The following FARP1 variants were observed in gnomAD, a reference collection of about 807,000 sequenced individuals.
The protein encoded by FARP1 is FERM, ARHGEF and pleckstrin domain-containing protein 1.
Under a neutral mutation model 128.8 loss-of-function variants are expected in FARP1, and 52 were observed. That is an observed-to-expected ratio of 0.40 (90% CI 0.32 to 0.51). FARP1 has a LOEUF of 0.51. Ranked by LOEUF, FARP1 falls within the 20% of genes least tolerant of loss-of-function variation. The pLI is 0.45. For synonymous variants in FARP1, 580 were observed against 551.8 expected (o/e 1.05, Z -0.72); for missense variants, 1,333 against 1,367.9 (o/e 0.97, Z 0.40).
chr13:98,161,747 TTCCC>T lies in FARP1; in HGVS notation c.-24+18267_-24+18270del, dbSNP rs978345290. The stretch of plus-strand genomic sequence containing the variant: ...TCTCTCTTTTTCTCTCTTTCTTTCC[TTCCC>T]TCCCTCCCTCCATCGTTCCTTCCTT... On this transcript the variant is annotated intron_variant, in intron 1 of 26. Transcript: ENST00000319562. Among the ~76,000 whole-genome samples the T allele has an allele frequency of 1.3e-4, 20 of 152,160 alleles. No individual in the cohort carries two copies. The East Asian group carries it at 3.3e-3, about 25-fold the overall frequency.
At chr13:98,300,811 G>T (rs1422593639) in intron 2 of FARP1, among the ~76,000 whole-genome samples, 1 of 152,174 alleles carries the variant, frequency 6.6e-6, no homozygotes, top group Non-Finnish European at 1.5e-5. Context: ...AAAAATGTTG[G>T]CCTGGTCAGG....
At chr13:98,318,832 G>A (rs1362997360) in intron 2 of FARP1, among the ~76,000 whole-genome samples, 2 of 152,178 alleles carry the variant, frequency 1.3e-5, no homozygotes, top group African/African-American at 4.8e-5. Context: ...CTGTGTGCCT[G>A]GTGGCGTTTG....
rs1451828030 is a variant in FARP1 at position 98,256,293 on chromosome 13, T to TA, written c.171+42886dup. Among the ~76,000 whole-genome samples, 5 of 152,216 alleles carry TA rather than the reference T, an allele frequency of 3.3e-5. No individual in the cohort carries two copies. The East Asian group carries it at 9.6e-4, about 29-fold the overall frequency. On this transcript the variant is annotated intron_variant, in intron 2 of 26. Transcript: ENST00000319562. ...ATCAGTATTTAAAATTCGAGGTTTTTAAAAAAGTTATCAATTCTGAATTCA... is the reference window on the plus strand; with the variant it reads ...ATCAGTATTTAAAATTCGAGGTTTTTAAAAAAAGTTATCAATTCTGAATTCA...
intron 2 of FARP1, among the ~76,000 whole-genome samples, chr13:98,260,862 A>G (rs1883845649): frequency 1.3e-5 from 2 of 152,222 alleles, no homozygotes. Flanking sequence ...GATAGGATAC[A>G]AAGGCCAGGA....
At chr13:98,143,036 G>GCGCCCGCCTC (rs1189502260), upstream of FARP1, 1 of 147,928 alleles carries the variant, frequency 6.8e-6, no homozygotes, top group East Asian at 2.0e-4. Context: ...GGGCTGCGCG[G>GCGCCCGCCTC]CGCCCGCCTC....
intron 2 of FARP1, among the ~76,000 whole-genome samples, chr13:98,252,048 A>G (rs997400943): frequency 7.2e-5 from 11 of 152,088 alleles, no homozygotes; most frequent in Non-Finnish European, 1.0e-4. Context: ...GGGTTTCACT[A>G]TGTTGGCCAA....
In FARP1 at chr13:98,413,948, G is replaced by C. The variant is rs1259609514; in HGVS notation, c.1826+1914G>C. On this transcript the variant is annotated intron_variant, in intron 16 of 26. Coordinates refer to ENST00000319562, the MANE Select transcript of FARP1 (RefSeq NM_005766.4). Reference sequence around the variant, plus strand: ...GCATGTGGCAGTTGATTTAAATAAGGTTGGAGAGGCCACACACAGGAAATG... The same window carrying C: ...GCATGTGGCAGTTGATTTAAATAAGCTTGGAGAGGCCACACACAGGAAATG... Among the ~76,000 whole-genome samples, 3 of 152,154 alleles carry C rather than the reference G, an allele frequency of 2.0e-5. 1 individual carries two copies. The South Asian group carries it at 6.2e-4, about 32-fold the overall frequency.
intron 5 of FARP1, among the ~76,000 whole-genome samples, chr13:98,377,115 A>G (rs1475933426): frequency 6.6e-6 from 1 of 152,046 alleles, no homozygotes; most frequent in Non-Finnish European, 1.5e-5. Context: ...ATCCTGGCCA[A>G]CATGGTGAAA....
intron 16 of FARP1, among the ~76,000 whole-genome samples, chr13:98,423,708 C>T (rs1891677643): frequency 6.6e-6 from 1 of 152,176 alleles, no homozygotes; most frequent in Admixed American, 6.5e-5. Context: ...TTCACTATAA[C>T]ATGAGGGTGA....
intron 17 of FARP1, among the ~76,000 whole-genome samples, chr13:98,428,259 C>T (rs10220162): frequency 0.017 from 2,578 of 152,262 alleles, 77 homozygotes; most frequent in African/African-American, 0.058. Flanking sequence ...TCCATCCAGA[C>T]GCACAAAAAC....
At chr13:98,274,355 G>A (rs1884537175) in intron 2 of FARP1, among the ~76,000 whole-genome samples, 1 of 152,284 alleles carries the variant, frequency 6.6e-6, no homozygotes, top group Non-Finnish European at 1.5e-5. Flanking sequence ...CTCTTTGTCT[G>A]AAATGCTGAG....
At chr13:98,306,957 A>G (rs561571063) in intron 2 of FARP1, among the ~76,000 whole-genome samples, 2 of 152,310 alleles carry the variant, frequency 1.3e-5, no homozygotes, top group Admixed American at 6.5e-5. Flanking sequence ...ATTCTTCATG[A>G]CCACCCTCCC....
intron 2 of FARP1, among the ~76,000 whole-genome samples, chr13:98,216,714 A>G (rs1412468056): frequency 6.6e-6 from 1 of 152,184 alleles, no homozygotes; most frequent in Admixed American, 6.5e-5. Context: ...AATTATTATT[A>G]AAGAGATCTA....
At chr13:98,362,994 C>T (rs9584819) in intron 3 of FARP1, among the ~76,000 whole-genome samples, 67,194 of 152,140 alleles carry the variant, frequency 0.44, 16,539 homozygotes, top group Non-Finnish European at 0.58. Context: ...TCCAAAATAC[C>T]GTCCTGTCTT....
intron 13 of FARP1, among the ~76,000 whole-genome samples, chr13:98,408,062 G>T (rs537694132): frequency 6.6e-6 from 1 of 152,130 alleles, no homozygotes; most frequent in African/African-American, 2.4e-5. Flanking sequence ...TTGAGAAAGC[G>T]CTGACTTTGT....
At position 98,208,123 on chromosome 13, in the gene FARP1, G is replaced by C. The variant is rs74718903; in HGVS notation, c.-23-5097G>C. 1.9e-3 allele frequency among the ~76,000 whole-genome samples: 295 copies of C among 152,110 alleles called. 1 individual carries two copies. The highest frequency in any genetic ancestry group is 6.3e-3 in the African/African-American group (263 of 41,508). Reference sequence around the variant, plus strand: ...CACACAACCAAACAGATTAGAAACAGATGCTTAGAAAAAGCTTATTTGAGG... The same window carrying C: ...CACACAACCAAACAGATTAGAAACACATGCTTAGAAAAAGCTTATTTGAGG... On this transcript the variant is annotated intron_variant, in intron 1 of 26. Coordinates refer to ENST00000319562, the MANE Select transcript of FARP1 (RefSeq NM_005766.4).
In FARP1 at chr13:98,450,037, GAA is replaced by G. The variant is rs1491554410; in HGVS notation, c.*1721_*1722del. On this transcript the variant is annotated 3_prime_UTR_variant, in exon 27 of 27. Coordinates refer to ENST00000319562, the MANE Select transcript of FARP1 (RefSeq NM_005766.4). ...GCAGTCTCCTCAGCTATTTATTTCTGAATGATTGATTGATTCCAAACTACTTG... is the reference window on the plus strand; with the variant it reads ...GCAGTCTCCTCAGCTATTTATTTCTGTGATTGATTGATTCCAAACTACTTG... 21 of 139,140 alleles carry G rather than the reference GAA, an allele frequency of 1.5e-4. No homozygotes were observed. The highest frequency in any genetic ancestry group is 4.7e-4 in the African/African-American group (18 of 38,272). 8.6% of individuals were successfully genotyped at this position (139,140 alleles called of 1,614,324 possible).
At chr13:98,377,130 G>A (rs1204906321) in intron 5 of FARP1, among the ~76,000 whole-genome samples, 6 of 151,656 alleles carry the variant, frequency 4.0e-5, no homozygotes, top group Non-Finnish European at 5.9e-5. Flanking sequence ...GTGAAACCCC[G>A]TCTCTACTAA....
chr13:98,256,965 A>ATATATG (rs1455024929), intron 2 of FARP1, among the ~76,000 whole-genome samples: 1 of 127,316 alleles, frequency 7.9e-6, no homozygotes, highest in Non-Finnish European at 1.6e-5. Context: ...ATATATATAT[A>ATATATG]TATATATATA....
Sources: gnomAD v4.1 joint callset for allele counts (sites outside exome capture counted in the v4.1 genomes callset) on GRCh38, gnomAD v4.1.1 for gene constraint, MANE v1.5 for transcripts, NCBI Gene and HGNC (gene_info 2026-07-23, HGNC 2026-07-21) for gene names.